The following ATAD5 variants were observed in gnomAD, a reference collection of about 807,000 sequenced individuals.
ATAD5 encodes the protein ATPase family AAA domain containing 5.
A neutral mutation model predicts 176.9 loss-of-function variants in ATAD5; 58 were observed. The ratio of observed to expected loss-of-function variants is 0.33; its 90% CI spans 0.27 to 0.41. The LOEUF (loss-of-function observed/expected upper bound fraction) is 0.41. Among genes scored for constraint, ATAD5 ranks in the 10% least tolerant of loss-of-function variants. The probability of loss-of-function intolerance (pLI) is 1.00; values close to 1 mark genes in which losing one functional copy is unlikely to be tolerated. For synonymous variants in ATAD5, 640 were observed against 712.6 expected (o/e 0.90, Z 1.62); for missense variants, 1,789 against 2,094.1 (o/e 0.85, Z 2.84).
At chr17:30,892,471 T>C in intron 19 of ATAD5, 136 bp from the exon 20 acceptor site, 1 of 456,814 alleles carries the variant, frequency 2.2e-6, no homozygotes, top group Non-Finnish European at 3.7e-6. Flanking sequence ...GTACTCTTAA[T>C]GAATTAAACA....
At chr17:30,847,228 A>G (rs1906562103) in intron 6 of ATAD5, among the ~76,000 whole-genome samples, 1 of 152,064 alleles carries the variant, frequency 6.6e-6, no homozygotes, top group Non-Finnish European at 1.5e-5. Flanking sequence ...TGCAGTAGGT[A>G]TACTTTTGTC....
chr17:30,835,785 A>C lies in ATAD5; in HGVS notation c.1704A>C (p.Pro568=). The stretch of plus-strand genomic sequence containing the variant: ...AATTGTCAAGAAAAACCAGCATACC[A>C]GTTAAAGATATTAAGCTTACACAGT... ...NNKLSRKTSI[P]VKDIKLTQSK... is the part of the protein sequence containing the mutation. Residue 568 remains proline, a synonymous_variant, in exon 2 of 23, where the codon CCA becomes CCC. Transcript: ENST00000321990. The C allele has an allele frequency of 6.2e-7, 1 of 1,613,544 alleles. No individual in the cohort carries two copies. The highest frequency in any genetic ancestry group is 1.7e-5 in the Admixed American group (1 of 59,896).
At chr17:30,841,079 G>A (rs1238406560) in intron 4 of ATAD5, among the ~76,000 whole-genome samples, 1 of 151,584 alleles carries the variant, frequency 6.6e-6, no homozygotes, top group Non-Finnish European at 1.5e-5. Flanking sequence ...GCTGGATCTC[G>A]GCTCACTGCA....
intron 10 of ATAD5, chr17:30,862,007 G>A (rs1907665399): frequency 6.7e-6 from 1 of 148,580 alleles, no homozygotes; most frequent in Non-Finnish European, 1.5e-5. Context: ...TCAAGTGAAG[G>A]GATGACAATT....
intron 2 of ATAD5, among the ~76,000 whole-genome samples, chr17:30,836,467 T>A (rs939092404): frequency 5.3e-5 from 8 of 151,806 alleles, no homozygotes; most frequent in African/African-American, 1.9e-4. Flanking sequence ...CGTGAGCCAC[T>A]GCGCCCGGCC....
In ATAD5 at chr17:30,894,106, A is replaced by G; in HGVS notation, c.5253A>G (p.Gln1751=). 6.3e-7 allele frequency: 1 copy of G among 1,598,426 alleles called. No homozygotes were observed. The highest frequency in any genetic ancestry group is 8.5e-7 in the Non-Finnish European group (1 of 1,170,050). ...PTNDLTFYVS[Q]KRNNVYFSQS... ...ACGATCTTACTTTTTATGTTTCACA[A>G]AAGCGCAATAATGTATACTTTAGTC... The change falls in exon 21 of 23, where the codon CAA becomes CAG. Residue 1751 remains glutamine, a synonymous_variant. Transcript: ENST00000321990.
chr17:30,846,291 A>G (rs752088159), intron 6 of ATAD5, among the ~76,000 whole-genome samples: 4 of 152,050 alleles, frequency 2.6e-5, no homozygotes, highest in Admixed American at 6.6e-5. Flanking sequence ...TTTGCATAGT[A>G]TACACGCCCA....
rs542415130 is a variant in ATAD5 at position 30,847,335 on chromosome 17, G to T, written c.2450+2419G>T. Among the ~76,000 whole-genome samples, 604 of 151,304 alleles carry T rather than the reference G, an allele frequency of 4.0e-3. 6 individuals carry two copies. The highest frequency in any genetic ancestry group is 0.014 in the African/African-American group (558 of 40,782). On this transcript the variant is annotated intron_variant, in intron 6 of 22. Transcript: ENST00000321990. ...ATGCCGCTATATATATATAGAGAGA[G>T]AGAGAGAGAGAGAGAGATGGAGTCT...
Position 30,835,960 on chromosome 17 carries a change from A to T in ATAD5, c.1879A>T (p.Thr627Ser), listed in dbSNP as rs765518624. ...VQDNSQLKAS[T>S]QKAANLSEKH... ...AGATAATAGTCAACTAAAGGCTTCC[A>T]CTCAAAAAGCAGCCAACTTATCGGA... is the stretch of plus-strand genomic sequence containing the variant. Residue 627 changes from threonine to serine, a missense_variant, in exon 2 of 23, where the codon ACT becomes TCT. Thr to Ser is a moderately conservative substitution (Grantham distance 58, BLOSUM62 1). This residue lies in a region of ATAD5 where 696 missense variants were observed against 712.5 expected (regional missense o/e 0.98). Transcript: ENST00000321990. The T allele has an allele frequency of 2.2e-5, 36 of 1,614,094 alleles. No individual in the cohort carries two copies. The highest frequency in any genetic ancestry group is 2.7e-5 in the Non-Finnish European group (32 of 1,180,010).
At chr17:30,860,699 C>A in intron 10 of ATAD5, 87 bp downstream of exon 10, 1 of 1,115,544 alleles carries the variant, frequency 9.0e-7, no homozygotes, top group Non-Finnish European at 1.2e-6. Context: ...TTTTGATATG[C>A]TTTTTAAAAA....
Position 30,832,321 on chromosome 17 carries a change from G to A in ATAD5, c.-27G>A. 6.5e-7 allele frequency: 1 copy of A among 1,534,984 alleles called. No homozygotes were observed. The highest frequency in any genetic ancestry group is 8.8e-7 in the Non-Finnish European group (1 of 1,138,714). ...CGGGCTGGACCGCGTGAGGTCCTAG[G>A]AGACGGGATTCCGGGAAGCGGGGAG... On this transcript the variant is annotated 5_prime_UTR_variant, in exon 1 of 23. Transcript: ENST00000321990.
At chr17:30,852,999 C>T (rs1325941443) in intron 6 of ATAD5, among the ~76,000 whole-genome samples, 1 of 151,862 alleles carries the variant, frequency 6.6e-6, no homozygotes. Flanking sequence ...AGCAATTCTC[C>T]CTGCCTCAGC....
At position 30,835,540 on chromosome 17, in the gene ATAD5, G is replaced by C; in HGVS notation, c.1459G>C (p.Asp487His). The change falls in exon 2 of 23, where the codon GAT (aspartate) becomes CAT (histidine). Residue 487 changes from aspartate to histidine, a missense_variant. Physicochemically the swap from Asp to His is moderately conservative, Grantham distance 81. Coordinates refer to ENST00000321990, the MANE Select transcript of ATAD5 (RefSeq NM_024857.5). ...KLKKKNKKTL[D>H]TGAIPGKNRE... ...AAAGAAGAAGAATAAGAAAACATTAGATACTGGGGCTATTCCAGGCAAAAA... is the reference window on the plus strand; with the variant it reads ...AAAGAAGAAGAATAAGAAAACATTACATACTGGGGCTATTCCAGGCAAAAA... The C allele has an allele frequency of 1.2e-6, 2 of 1,609,034 alleles. No individual in the cohort carries two copies. Among genetic ancestry groups the C allele is most frequent in the South Asian group, 2.2e-5 (2 of 89,224 alleles).
chr17:30,851,470 T>A (rs1906962479), intron 6 of ATAD5, among the ~76,000 whole-genome samples: 1 of 142,906 alleles, frequency 7.0e-6, no homozygotes, highest in Non-Finnish European at 1.5e-5. Context: ...CACTCCAGCC[T>A]GGGCAACAGA....
chr17:30,833,111 G>A (rs116787541), intron 1 of ATAD5, among the ~76,000 whole-genome samples: 266 of 152,296 alleles, frequency 1.7e-3, no homozygotes, highest in African/African-American at 6.3e-3. Context: ...GAGTTAAGAT[G>A]TATGTATGTT....
chr17:30,870,293 T>G (rs932698248), intron 14 of ATAD5, among the ~76,000 whole-genome samples: 1 of 152,082 alleles, frequency 6.6e-6, no homozygotes, highest in African/African-American at 2.4e-5. Flanking sequence ...CACCTTTCTT[T>G]TCATGTCATT....
Position 30,835,190 on chromosome 17 carries a change from ATGT to A in ATAD5, c.1114_1116del (p.Val372del), listed in dbSNP as rs1905641072. The A allele has an allele frequency of 1.2e-6, 2 of 1,613,978 alleles. No individual in the cohort carries two copies. The highest frequency in any genetic ancestry group is 3.3e-5 in the Admixed American group (2 of 60,002). Reference sequence around the variant, plus strand: ...CAGACAGTTCAGAAAAGAAAATCTAATGTTGTTATACAGGAGGAAGAATTAGAA... The same window carrying A: ...CAGACAGTTCAGAAAAGAAAATCTAATGTTATACAGGAGGAAGAATTAGAA... On this transcript the variant is annotated inframe_deletion, in exon 2 of 23. Coordinates refer to ENST00000321990, the MANE Select transcript of ATAD5 (RefSeq NM_024857.5).
chr17:30,844,964 A>G lies in ATAD5; in HGVS notation c.2450+48A>G, dbSNP rs200811434. ...AATGCCAAAATATTTTATAGAATGT[A>G]TTTGTATTGATGTGTTTACTTTGAT... On this transcript the variant is annotated intron_variant, in intron 6 of 22. Coordinates refer to ENST00000321990, the MANE Select transcript of ATAD5 (RefSeq NM_024857.5). 2.1e-5 allele frequency: 30 copies of G among 1,415,546 alleles called. No individual in the cohort carries two copies. In the Admixed American group the frequency reaches 4.5e-4, roughly 21 times the overall value. 87.7% of individuals were successfully genotyped at this position (1,415,546 alleles called of 1,614,324 possible).
chr17:30,871,792 ATATT>A (rs1196306927), intron 14 of ATAD5, among the ~76,000 whole-genome samples: 1 of 151,946 alleles, frequency 6.6e-6, no homozygotes, highest in Non-Finnish European at 1.5e-5. Context: ...TGGGTGCTGG[ATATT>A]TATGTATTCC....
Sources: gnomAD v4.1 joint callset for allele counts (sites outside exome capture counted in the v4.1 genomes callset) on GRCh38, gnomAD v4.1.1 for gene constraint, gnomAD v4.1.1 regional missense constraint, MANE v1.5 for transcripts, NCBI Gene and HGNC (gene_info 2026-07-23, HGNC 2026-07-21) for gene names.